Variants in MSRA observed in about 807,000 individuals in gnomAD.
MSRA encodes the protein methionine sulfoxide reductase A, also known as mitochondrial peptide methionine sulfoxide reductase.
In MSRA, 54 loss-of-function variants were observed where a neutral mutation model predicts 31.3. The ratio of observed to expected loss-of-function variants is 1.73; its 90% CI spans 1.39 to 2.17. The LOEUF is 2.17. MSRA is among the 30% of genes most tolerant of loss of function. The pLI is 0.00. For missense variants in MSRA, 507 were observed against 300.9 expected, an observed-to-expected ratio of 1.69 and a Z score of -5.07; for synonymous variants, 169 against 116.5, an observed-to-expected ratio of 1.45 and a Z score of -2.90.
intron 1 of MSRA, among the ~76,000 whole-genome samples, chr8:10,159,813 A>G (rs1301498958): frequency 6.6e-6 from 1 of 152,202 alleles, no homozygotes; most frequent in Non-Finnish European, 1.5e-5. Context: ...CAGTGATAGA[A>G]AACAATCTCT....
intron 4 of MSRA, among the ~76,000 whole-genome samples, chr8:10,310,822 C>T (rs1345984546): frequency 6.6e-6 from 1 of 152,194 alleles, no homozygotes; most frequent in African/African-American, 2.4e-5. Flanking sequence ...TATCAGAAAG[C>T]AGAAAACATG....
intron 5 of MSRA, among the ~76,000 whole-genome samples, chr8:10,349,826 G>A (rs1157924984): frequency 1.3e-5 from 2 of 152,216 alleles, no homozygotes; most frequent in Admixed American, 1.3e-4. Context: ...GTCTGTGAAC[G>A]GCCACTCCTG....
chr8:10,372,515 A>G (rs1805535512), intron 5 of MSRA, among the ~76,000 whole-genome samples: 2 of 152,236 alleles, frequency 1.3e-5, no homozygotes, highest in South Asian at 4.1e-4. Context: ...AATAAATGAA[A>G]TCTCAGAGAG....
chr8:10,157,124 G>A (rs762348892), intron 1 of MSRA, among the ~76,000 whole-genome samples: 1 of 151,830 alleles, frequency 6.6e-6, no homozygotes, highest in Non-Finnish European at 1.5e-5. Flanking sequence ...TTACCTATAT[G>A]TTCATCCTCC....
intron 1 of MSRA, among the ~76,000 whole-genome samples, chr8:10,085,178 C>G (rs1798495904): frequency 1.3e-5 from 2 of 152,134 alleles, no homozygotes; most frequent in South Asian, 4.1e-4. Flanking sequence ...TCCTGTGGGC[C>G]TCTGTTTTAG....
chr8:10,275,472 CAG>C (rs1434884923), intron 3 of MSRA, among the ~76,000 whole-genome samples: 2 of 152,288 alleles, frequency 1.3e-5, no homozygotes, highest in Non-Finnish European at 2.9e-5. Flanking sequence ...AGTTGTGAAA[CAG>C]AAATGAAAGC....
chr8:10,104,170 A>G (rs1297772069), intron 1 of MSRA, among the ~76,000 whole-genome samples: 7 of 152,090 alleles, frequency 4.6e-5, no homozygotes, highest in Non-Finnish European at 5.9e-5. Context: ...TGACCCTCCT[A>G]CACATCTGGG....
chr8:10,413,523 C>A (rs576246271), intron 5 of MSRA, among the ~76,000 whole-genome samples: 1 of 151,922 alleles, frequency 6.6e-6, no homozygotes, highest in Admixed American at 6.6e-5. Flanking sequence ...AGAAACATGA[C>A]GGTATCCGTT....
chr8:10,056,340 A>G (rs1440752931), intron 1 of MSRA, among the ~76,000 whole-genome samples: 1 of 152,150 alleles, frequency 6.6e-6, no homozygotes, highest in Non-Finnish European at 1.5e-5. Flanking sequence ...CCTAATATGT[A>G]AATGACATTT....
intron 1 of MSRA, among the ~76,000 whole-genome samples, chr8:10,158,158 A>G (rs115295314): frequency 6.6e-6 from 1 of 152,118 alleles, no homozygotes; most frequent in East Asian, 1.9e-4. Flanking sequence ...CCCCATCCTC[A>G]TGACTGACTA....
At chr8:10,299,617 G>A (rs1800735648) in intron 3 of MSRA, among the ~76,000 whole-genome samples, 3 of 151,980 alleles carry the variant, frequency 2.0e-5, no homozygotes, top group African/African-American at 7.2e-5. Context: ...GAGCAAAGAA[G>A]AAATTAAAAT....
chr8:10,382,896 C>T (rs1032950982), intron 5 of MSRA, among the ~76,000 whole-genome samples: 4 of 152,222 alleles, frequency 2.6e-5, no homozygotes, highest in Admixed American at 6.5e-5. Flanking sequence ...CACCCTCCAC[C>T]GCCAGCTCCC....
At chr8:10,277,754 T>A (rs1799400528) in intron 3 of MSRA, among the ~76,000 whole-genome samples, 1 of 152,246 alleles carries the variant, frequency 6.6e-6, no homozygotes, top group Non-Finnish European at 1.5e-5. Context: ...TAGCTTATAA[T>A]TTTTTGTATT....
chr8:10,269,773 T>G (rs1461818949), intron 3 of MSRA, among the ~76,000 whole-genome samples: 1 of 152,194 alleles, frequency 6.6e-6, no homozygotes, highest in Admixed American at 6.5e-5. Context: ...TGCCTCAGCC[T>G]CCTGAGTAGC....
At chr8:10,247,475 T>G (rs1181055531) in intron 3 of MSRA, among the ~76,000 whole-genome samples, 1 of 152,186 alleles carries the variant, frequency 6.6e-6, no homozygotes, top group Non-Finnish European at 1.5e-5. Context: ...ATTATATTAG[T>G]GTGCTTTTAA....
chr8:10,398,293 T>G (rs1386238263), intron 5 of MSRA, among the ~76,000 whole-genome samples: 1 of 152,196 alleles, frequency 6.6e-6, no homozygotes, highest in African/African-American at 2.4e-5. Context: ...GAGCTTCTCT[T>G]CATAGTGAAA....
Position 10,339,185 on chromosome 8 carries a change from C to G in MSRA, c.543+19196C>G, listed in dbSNP as rs756408233. Among the ~76,000 whole-genome samples the G allele has an allele frequency of 5.3e-5, 8 of 152,338 alleles. No individual in the cohort carries two copies. The East Asian group carries it at 7.7e-4, about 15-fold the overall frequency. ...TAGCCCCTTGGCTTTGGAATGAAAACTGTAAGTCAGGGACACCCACGAAGC... is the reference window on the plus strand; with the variant it reads ...TAGCCCCTTGGCTTTGGAATGAAAAGTGTAAGTCAGGGACACCCACGAAGC... On this transcript the variant is annotated intron_variant, in intron 5 of 5. Coordinates refer to ENST00000317173, the MANE Select transcript of MSRA (RefSeq NM_012331.5).
At chr8:10,124,296 G>T (rs1159705197) in intron 1 of MSRA, among the ~76,000 whole-genome samples, 1 of 152,184 alleles carries the variant, frequency 6.6e-6, no homozygotes, top group Non-Finnish European at 1.5e-5. Context: ...CGAGAGAGAG[G>T]CTGAGGAGTG....
At chr8:10,218,460 T>C (rs906752479) in intron 2 of MSRA, among the ~76,000 whole-genome samples, 8 of 152,142 alleles carry the variant, frequency 5.3e-5, no homozygotes, top group Admixed American at 2.6e-4. Flanking sequence ...TCCTTTTCTT[T>C]TGGTGAAGTT....
Sources: allele counts gnomAD v4.1 joint callset (sites outside exome capture counted in the v4.1 genomes callset), GRCh38; gene constraint gnomAD v4.1.1; transcripts MANE v1.5; gene names NCBI Gene and HGNC (gene_info 2026-07-23, HGNC 2026-07-21).